Variants in TBC1D4 observed in about 807,000 individuals in gnomAD.
TBC1D4 encodes the protein TBC1 domain family member 4.
A neutral mutation model predicts 142.5 loss-of-function variants in TBC1D4; 121 were observed. That is an observed-to-expected ratio of 0.85 (90% CI 0.73 to 0.99). The LOEUF (loss-of-function observed/expected upper bound fraction) is 0.99, where lower values mean the gene tolerates loss of function less well. TBC1D4 is among the 50% of genes least tolerant of loss of function. TBC1D4 has a pLI of 0.00. For synonymous variants in TBC1D4, 630 were observed against 628.2 expected (o/e 1.00, Z -0.04); for missense variants, 1,475 against 1,606.6 (o/e 0.92, Z 1.40).
Position 75,311,031 on chromosome 13 carries a change from G to C in TBC1D4, c.2384-880C>G, listed in dbSNP as rs3783034. 5.9e-5 allele frequency among the ~76,000 whole-genome samples: 9 copies of C among 152,190 alleles called. No individual in the cohort carries two copies. The East Asian group carries it at 1.7e-3, about 29-fold the overall frequency. On this transcript the variant is annotated intron_variant, in intron 13 of 20. Transcript: ENST00000377636. ...TTCCATGTGCAACACTCCCTTAACA[G>C]GTGACTCATTCTCTCCCTTCCTACT...
intron 5 of TBC1D4, among the ~76,000 whole-genome samples, chr13:75,341,806 T>C (rs1166820497): frequency 2.0e-5 from 3 of 152,198 alleles, no homozygotes; most frequent in Non-Finnish European, 4.4e-5. Flanking sequence ...CCAGTAGTGA[T>C]CTTGGCATTA....
chr13:75,385,593 G>T (rs1314563898), intron 1 of TBC1D4, among the ~76,000 whole-genome samples: 1 of 152,202 alleles, frequency 6.6e-6, no homozygotes, highest in Non-Finnish European at 1.5e-5. Context: ...GTGAGTATCT[G>T]GGAAAGTTAG....
chr13:75,361,573 T>C (rs928522751), intron 2 of TBC1D4, among the ~76,000 whole-genome samples: 1 of 151,878 alleles, frequency 6.6e-6, no homozygotes, highest in Non-Finnish European at 1.5e-5. Context: ...AGAGACGGGG[T>C]TTTGCCATGT....
chr13:75,459,331 T>C (rs1327517719), intron 1 of TBC1D4, among the ~76,000 whole-genome samples: 1 of 152,238 alleles, frequency 6.6e-6, no homozygotes, highest in Non-Finnish European at 1.5e-5. Flanking sequence ...CCTTGCCTAA[T>C]ACCTAACCTT....
rs543813720 is a variant in TBC1D4 at position 75,403,855 on chromosome 13, A to C, written c.499-41248T>G. ...ATGTGAACAGAGACTTCTTAAGAGA[A>C]GCAGTAAAATAAACCTAATGGAGAA... On this transcript the variant is annotated intron_variant, in intron 1 of 20. Transcript: ENST00000377636. Among the ~76,000 whole-genome samples the C allele has an allele frequency of 1.7e-4, 26 of 152,334 alleles. No homozygotes were observed. In the Middle Eastern group the frequency reaches 0.041, roughly 239 times the overall value.
chr13:75,400,633 AT>A (rs71201178), intron 1 of TBC1D4, among the ~76,000 whole-genome samples: 3 of 141,290 alleles, frequency 2.1e-5, no homozygotes, highest in African/African-American at 5.2e-5. Context: ...AATTTTTTGT[AT>A]TTTTTTTTTT....
chr13:75,380,243 G>A (rs1028999041), intron 1 of TBC1D4, among the ~76,000 whole-genome samples: 8 of 151,610 alleles, frequency 5.3e-5, no homozygotes, highest in Non-Finnish European at 7.4e-5. Context: ...AGGCCGAGGC[G>A]GGTGGATCAC....
At chr13:75,341,348 A>C in intron 6 of TBC1D4, 113 bp from the exon 7 acceptor site, 1 of 1,295,180 alleles carries the variant, frequency 7.7e-7, no homozygotes. Context: ...CTCAGAAGCA[A>C]AAGTAAAATG....
chr13:75,383,587 A>ACGTCC (rs1212369750), intron 1 of TBC1D4, among the ~76,000 whole-genome samples: 2 of 152,184 alleles, frequency 1.3e-5, no homozygotes. Context: ...GAGAGGGTCC[A>ACGTCC]CATTCACATA....
intron 8 of TBC1D4, among the ~76,000 whole-genome samples, chr13:75,335,545 T>TTA (rs1328868982): frequency 1.3e-5 from 2 of 152,156 alleles, no homozygotes; most frequent in Non-Finnish European, 2.9e-5. Flanking sequence ...TCATGTCAGA[T>TTA]TGTAATTCCC....
At chr13:75,387,769 T>G (rs1049529762) in intron 1 of TBC1D4, among the ~76,000 whole-genome samples, 1 of 152,242 alleles carries the variant, frequency 6.6e-6, no homozygotes, top group Admixed American at 6.5e-5. Flanking sequence ...CATTTTGTTA[T>G]GAGTCACTCT....
In TBC1D4 at chr13:75,284,770, T is replaced by A. The variant is rs574894168; in HGVS notation, c.*2022A>T. 6.6e-6 allele frequency: 1 copy of A among 152,322 alleles called. No individual in the cohort carries two copies. The highest frequency in any genetic ancestry group is 2.1e-4 in the South Asian group (1 of 4,822). 9.4% of individuals were successfully genotyped at this position (152,322 alleles called of 1,614,324 possible). On this transcript the variant is annotated 3_prime_UTR_variant, in exon 21 of 21. Coordinates refer to ENST00000377636, the MANE Select transcript of TBC1D4 (RefSeq NM_014832.5). ...GAAGCATAACTGGTGCAACATTTTT[T>A]AAAAATCACAAATGAAAAAGAAAAT...
At chr13:75,469,788 A>G (rs1190884547) in intron 1 of TBC1D4, among the ~76,000 whole-genome samples, 1 of 152,138 alleles carries the variant, frequency 6.6e-6, no homozygotes, top group African/African-American at 2.4e-5. Context: ...CCCCTCCAAA[A>G]AAAGAGTTTC....
intron 1 of TBC1D4, among the ~76,000 whole-genome samples, chr13:75,441,468 G>A (rs1009773851): frequency 5.3e-5 from 8 of 151,858 alleles, no homozygotes; most frequent in South Asian, 2.1e-4. Flanking sequence ...AATCAATCTC[G>A]AAAAATTAAA....
At chr13:75,434,501 G>C (rs1459689229) in intron 1 of TBC1D4, among the ~76,000 whole-genome samples, 3 of 152,030 alleles carry the variant, frequency 2.0e-5, no homozygotes, top group Non-Finnish European at 4.4e-5. Context: ...GAGGGTGGAG[G>C]GCGGGAGGAG....
intron 15 of TBC1D4, among the ~76,000 whole-genome samples, chr13:75,303,743 G>A (rs1017557275): frequency 3.3e-5 from 5 of 152,152 alleles, no homozygotes; most frequent in African/African-American, 1.2e-4. Flanking sequence ...TGACTTATGA[G>A]GCCTCTACAA....
At chr13:75,304,502 TACAC>T (rs1161100609) in intron 15 of TBC1D4, among the ~76,000 whole-genome samples, 5 of 152,086 alleles carry the variant, frequency 3.3e-5, no homozygotes, top group African/African-American at 7.2e-5. Context: ...ATTAAACAAA[TACAC>T]ACATAATTAT....
At chr13:75,413,456 G>A (rs990532511) in intron 1 of TBC1D4, among the ~76,000 whole-genome samples, 16 of 152,138 alleles carry the variant, frequency 1.1e-4, no homozygotes, top group Non-Finnish European at 1.3e-4. Context: ...CACCGCACCC[G>A]GCCAAATTTG....
intron 5 of TBC1D4, among the ~76,000 whole-genome samples, chr13:75,344,939 A>T (rs1283254627): frequency 1.3e-5 from 2 of 152,228 alleles, no homozygotes; most frequent in Non-Finnish European, 2.9e-5. Flanking sequence ...TCCTTCTTCC[A>T]GCTTTGTACT....
Sources: gnomAD v4.1 joint callset for allele counts (sites outside exome capture counted in the v4.1 genomes callset) on GRCh38, gnomAD v4.1.1 for gene constraint, MANE v1.5 for transcripts, NCBI Gene and HGNC (gene_info 2026-07-23, HGNC 2026-07-21) for gene names.